ZNF385D: variants seen among roughly 807,000 people sequenced by gnomAD.
ZNF385D encodes zinc finger protein 659.
A neutral mutation model predicts 35.8 loss-of-function variants in ZNF385D; 15 were observed. That is an observed-to-expected ratio of 0.42 (90% confidence interval 0.28 to 0.64). The LOEUF (loss-of-function observed/expected upper bound fraction) is 0.64. ZNF385D is among the 30% of genes least tolerant of loss of function. ZNF385D has a pLI of 0.23. For synonymous variants in ZNF385D, 212 were observed against 186.8 expected, an observed-to-expected ratio of 1.13 and a Z score of -1.10; for missense variants, 474 against 494.6, an observed-to-expected ratio of 0.96 and a Z score of 0.39.
intron 3 of ZNF385D, among the ~76,000 whole-genome samples, chr3:22,132,252 C>A (rs1703844321): frequency 6.6e-6 from 1 of 152,054 alleles, no homozygotes; most frequent in Non-Finnish European, 1.5e-5. Context: ...AGGAAACAGA[C>A]CTTTTGCACC....
intron 3 of ZNF385D, among the ~76,000 whole-genome samples, chr3:21,530,758 C>A (rs2061902334): frequency 6.6e-6 from 1 of 152,104 alleles, no homozygotes; most frequent in Non-Finnish European, 1.5e-5. Flanking sequence ...CATCACTGCT[C>A]TATGTCCATC....
intron 3 of ZNF385D, among the ~76,000 whole-genome samples, chr3:21,827,879 A>C (rs1335950670): frequency 6.6e-6 from 1 of 152,186 alleles, no homozygotes; most frequent in Non-Finnish European, 1.5e-5. Flanking sequence ...TTTGTAGCAT[A>C]TGTTTCTATA....
At chr3:22,248,620 A>G (rs77275035) in intron 2 of ZNF385D, among the ~76,000 whole-genome samples, 220 of 152,250 alleles carry the variant, frequency 1.4e-3, no homozygotes, top group African/African-American at 5.0e-3. Flanking sequence ...TTGCTCTGTG[A>G]TTTTGGCAAA....
intron 3 of ZNF385D, among the ~76,000 whole-genome samples, chr3:22,142,964 G>C (rs949980821): frequency 7.9e-5 from 12 of 151,602 alleles, no homozygotes; most frequent in African/African-American, 2.9e-4. Context: ...TTCACTGCCC[G>C]TAAGTTTGAA....
At chr3:21,999,709 C>T (rs539057963) in intron 3 of ZNF385D, among the ~76,000 whole-genome samples, 54 of 150,138 alleles carry the variant, frequency 3.6e-4, no homozygotes, top group Non-Finnish European at 7.4e-4. Context: ...CAAAAATAGA[C>T]TAGATTAAGC....
At chr3:21,789,589 C>A (rs755495128) in intron 3 of ZNF385D, among the ~76,000 whole-genome samples, 9 of 152,148 alleles carry the variant, frequency 5.9e-5, no homozygotes, top group African/African-American at 2.2e-4. Flanking sequence ...TAATAGATTC[C>A]TTTTAACTGC....
intron 3 of ZNF385D, among the ~76,000 whole-genome samples, chr3:21,993,618 G>A (rs1192272522): frequency 6.6e-6 from 1 of 152,030 alleles, no homozygotes; most frequent in African/African-American, 2.4e-5. Flanking sequence ...TTTAAAAAAT[G>A]AATAAAAACA....
At chr3:22,233,868 C>T (rs1699032206) in intron 2 of ZNF385D, among the ~76,000 whole-genome samples, 1 of 152,048 alleles carries the variant, frequency 6.6e-6, no homozygotes, top group Admixed American at 6.6e-5. Context: ...GCATTAAAAA[C>T]CCATTTCCTT....
intron 3 of ZNF385D, among the ~76,000 whole-genome samples, chr3:21,956,918 T>C (rs993506823): frequency 6.6e-6 from 1 of 151,944 alleles, no homozygotes; most frequent in Non-Finnish European, 1.5e-5. Context: ...GTGATATAGT[T>C]TGGCTGTGTC....
intron 3 of ZNF385D, among the ~76,000 whole-genome samples, chr3:21,999,034 G>A (rs1464380990): frequency 3.3e-5 from 5 of 152,120 alleles, no homozygotes; most frequent in Admixed American, 2.6e-4. Context: ...TTTTTAAAAG[G>A]CTTTACTACA....
chr3:22,192,785 G>A (rs1043200823), intron 2 of ZNF385D, among the ~76,000 whole-genome samples: 1 of 152,126 alleles, frequency 6.6e-6, no homozygotes, highest in Non-Finnish European at 1.5e-5. Context: ...GAAGATGGGG[G>A]TGGAATTCTG....
At chr3:21,751,349 G>C (rs1200450514), upstream of ZNF385D, 1 of 1,047,730 alleles carries the variant, frequency 9.5e-7, no homozygotes, top group African/African-American at 1.7e-5. Context: ...CTTGGGAAGG[G>C]GCGGAGTGAG....
chr3:22,244,368 A>T (rs1699660599), intron 2 of ZNF385D, among the ~76,000 whole-genome samples: 1 of 54,168 alleles, frequency 1.8e-5, no homozygotes, highest in African/African-American at 1.4e-4. Flanking sequence ...CGAATGTAAA[A>T]AAAAAAAAAA....
chr3:22,060,321 TCTGA>T (rs1177685643), intron 3 of ZNF385D, among the ~76,000 whole-genome samples: 10 of 152,212 alleles, frequency 6.6e-5, no homozygotes, highest in East Asian at 1.9e-4. Flanking sequence ...TCTAAAGAAC[TCTGA>T]CTAACACAGT....
intron 2 of ZNF385D, among the ~76,000 whole-genome samples, chr3:22,246,660 T>G (rs958470058): frequency 6.6e-6 from 1 of 152,158 alleles, no homozygotes; most frequent in Non-Finnish European, 1.5e-5. Context: ...AAGCCTTAAG[T>G]GTCTGTTTTT....
At chr3:22,336,928 A>AAAAAAAAAAC (rs1695193720) in intron 2 of ZNF385D, among the ~76,000 whole-genome samples, 3 of 146,638 alleles carry the variant, frequency 2.0e-5, no homozygotes, top group Non-Finnish European at 1.5e-5. Flanking sequence ...AAAAAAAAAA[A>AAAAAAAAAAC]AAAAAAAAAC....
chr3:21,818,344 CTT>C (rs2073245126), intron 3 of ZNF385D, among the ~76,000 whole-genome samples: 1 of 152,032 alleles, frequency 6.6e-6, no homozygotes, highest in African/African-American at 2.4e-5. Flanking sequence ...ACAAAAGATA[CTT>C]AAGAGACCTA....
intron 3 of ZNF385D, among the ~76,000 whole-genome samples, chr3:21,806,361 C>A (rs112284723): frequency 1.3e-5 from 2 of 152,014 alleles, no homozygotes; most frequent in African/African-American, 4.8e-5. Flanking sequence ...CCTGTCACCA[C>A]GCCCGACTAA....
intron 3 of ZNF385D, among the ~76,000 whole-genome samples, chr3:22,079,622 A>T (rs1421317250): frequency 2.6e-5 from 4 of 152,052 alleles, no homozygotes; most frequent in African/African-American, 9.7e-5. Context: ...CCTACTCTAT[A>T]TAACAGGGAG....
Sources: gnomAD v4.1 joint callset for allele counts (sites outside exome capture counted in the v4.1 genomes callset) on GRCh38, gnomAD v4.1.1 for gene constraint, MANE v1.5 for transcripts, NCBI Gene and HGNC (gene_info 2026-07-23, HGNC 2026-07-21) for gene names.